The following DCAF7 variants were observed in gnomAD, a reference collection of about 807,000 sequenced individuals.
The protein encoded by DCAF7 is DDB1- and CUL4-associated factor 7.
Under a neutral mutation model 41.2 loss-of-function variants are expected in DCAF7, and 4 were observed. The ratio of observed to expected loss-of-function variants is 0.10; its 90% confidence interval spans 0.05 to 0.22. The LOEUF (loss-of-function observed/expected upper bound fraction) is 0.22. Among genes scored for constraint, DCAF7 ranks in the 10% least tolerant of loss-of-function variants. DCAF7 has a pLI of 1.00. For synonymous variants in DCAF7, 143 were observed against 164.2 expected (o/e 0.87, Z 0.99); for missense variants, 131 against 443.2 (o/e 0.30, Z 6.32).
intron 1 of DCAF7, among the ~76,000 whole-genome samples, chr17:63,559,399 G>GTGTATATATATATGTA (rs1555680842): frequency 2.3e-5 from 2 of 88,100 alleles, no homozygotes; most frequent in Non-Finnish European, 4.7e-5. Context: ...ATATATATAT[G>GTGTATATATATATGTA]TATATATATG....
Position 63,561,501 on chromosome 17 carries a change from T to C in DCAF7, c.138+10686T>C, listed in dbSNP as rs372459954. Among the ~76,000 whole-genome samples the C allele has an allele frequency of 9.2e-5, 14 of 152,238 alleles. No homozygotes were observed. The East Asian group carries it at 2.3e-3, about 25-fold the overall frequency. The stretch of plus-strand genomic sequence containing the variant: ...TTGGGAGGCTGAGGCTGGCAGATCA[T>C]TGGGCCCAGGAGTTTGAGATCAGCC... On this transcript the variant is annotated intron_variant, in intron 1 of 6. Coordinates refer to ENST00000614556, the MANE Select transcript of DCAF7 (RefSeq NM_005828.5).
intron 1 of DCAF7, among the ~76,000 whole-genome samples, chr17:63,570,237 T>C (rs1265618130): frequency 2.0e-5 from 3 of 152,020 alleles, no homozygotes; most frequent in African/African-American, 4.8e-5. Flanking sequence ...GCAGATTGCT[T>C]GAGCTCAGGA....
intron 1 of DCAF7, among the ~76,000 whole-genome samples, chr17:63,577,420 C>T (rs1230544802): frequency 6.6e-6 from 1 of 152,150 alleles, no homozygotes; most frequent in Admixed American, 6.5e-5. Context: ...CCCACTATTC[C>T]ATCTTCCAGT....
intron 6 of DCAF7, among the ~76,000 whole-genome samples, chr17:63,586,785 TG>T (rs1290876405): frequency 4.0e-5 from 6 of 151,714 alleles, no homozygotes; most frequent in African/African-American, 1.2e-4. Context: ...AAAAATATGC[TG>T]GTTGTCAATG....
chr17:63,589,202 G>A lies in DCAF7; in HGVS notation c.*30G>A, dbSNP rs746730114. ...GGTGGCGCTGTGCCCACGAGGCAGG[G>A]GCTTTTGTATTTCCTGCCTCTGCCC... On this transcript the variant is annotated 3_prime_UTR_variant, in exon 7 of 7. Transcript: ENST00000614556. 8 of 1,612,076 alleles carry A rather than the reference G, an allele frequency of 5.0e-6. No individual in the cohort carries two copies. The South Asian group carries it at 6.6e-5, about 13-fold the overall frequency.
At chr17:63,585,829 C>T (rs1406747226) in intron 6 of DCAF7, among the ~76,000 whole-genome samples, 2 of 152,140 alleles carry the variant, frequency 1.3e-5, no homozygotes, top group Non-Finnish European at 2.9e-5. Flanking sequence ...CCAAAGCTAG[C>T]ACCCCTTACG....
intron 1 of DCAF7, among the ~76,000 whole-genome samples, chr17:63,561,189 CG>C (rs1025300436): frequency 2.0e-5 from 3 of 152,102 alleles, no homozygotes; most frequent in African/African-American, 7.2e-5. Flanking sequence ...GACTTGAACC[CG>C]GGAGGCGGAG....
intron 1 of DCAF7, among the ~76,000 whole-genome samples, chr17:63,569,636 A>G (rs1219614507): frequency 2.0e-5 from 3 of 152,200 alleles, no homozygotes; most frequent in Non-Finnish European, 4.4e-5. Flanking sequence ...TCAGATATTT[A>G]GGAGCCAATA....
intron 3 of DCAF7, 142 bp downstream of exon 3, chr17:63,579,590 T>TGTGTGGGTGAGCTTTCC: frequency 1.4e-6 from 1 of 698,272 alleles, no homozygotes; most frequent in Non-Finnish European, 2.4e-6. Flanking sequence ...TTAATTCCTT[T>TGTGTGGGTGAGCTTTCC]GTGTGGGTGA....
In DCAF7 at chr17:63,589,518, G is replaced by A. The variant is rs550741508; in HGVS notation, c.*346G>A. 1.1e-4 allele frequency: 38 copies of A among 347,358 alleles called. 1 individual carries two copies. Among genetic ancestry groups the A allele is most frequent in the Middle Eastern group, 9.8e-4 (1 of 1,018 alleles). 21.5% of individuals were successfully genotyped at this position (347,358 alleles called of 1,614,324 possible). ...TGGCTGTGTCTATTCCTCTGCCCAG[G>A]TGTCTCTGTTTGCTGCCCAAGGCAG... On this transcript the variant is annotated 3_prime_UTR_variant, in exon 7 of 7. Coordinates refer to ENST00000614556, the MANE Select transcript of DCAF7 (RefSeq NM_005828.5).
chr17:63,585,508 G>T (rs746453281), intron 6 of DCAF7, among the ~76,000 whole-genome samples, 180 bp downstream of exon 6: 32 of 152,204 alleles, frequency 2.1e-4, no homozygotes, highest in Non-Finnish European at 4.4e-4. Context: ...AGACGATCTT[G>T]TACCCTCATG....
intron 6 of DCAF7, among the ~76,000 whole-genome samples, chr17:63,588,091 C>A (rs2033696067): frequency 6.6e-6 from 1 of 150,776 alleles, no homozygotes; most frequent in South Asian, 2.1e-4. Flanking sequence ...TGCCATCATT[C>A]TCATTTTAAT....
intron 1 of DCAF7, among the ~76,000 whole-genome samples, chr17:63,568,850 G>A (rs2033474103): frequency 6.6e-6 from 1 of 152,186 alleles, no homozygotes; most frequent in South Asian, 2.1e-4. Flanking sequence ...CACTCGCTAT[G>A]TATGCCAGCT....
intron 4 of DCAF7, among the ~76,000 whole-genome samples, chr17:63,583,035 G>A (rs778490061): frequency 6.6e-6 from 1 of 152,202 alleles, no homozygotes; most frequent in Non-Finnish European, 1.5e-5. Context: ...CTCAGGTCCA[G>A]GTTTCACAGA....
At chr17:63,573,745 A>C (rs945029638) in intron 1 of DCAF7, among the ~76,000 whole-genome samples, 1 of 152,040 alleles carries the variant, frequency 6.6e-6, no homozygotes, top group African/African-American at 2.4e-5. Flanking sequence ...AAAAAAAAAA[A>C]ATTATGCAAA....
intron 1 of DCAF7, among the ~76,000 whole-genome samples, chr17:63,555,105 T>G (rs187749624): frequency 6.6e-6 from 1 of 152,344 alleles, no homozygotes; most frequent in Non-Finnish European, 1.5e-5. Context: ...TGACAATATG[T>G]TTGGTCTTTA....
At chr17:63,562,306 C>A (rs1345069974) in intron 1 of DCAF7, among the ~76,000 whole-genome samples, 1 of 152,046 alleles carries the variant, frequency 6.6e-6, no homozygotes, top group Non-Finnish European at 1.5e-5. Context: ...GATCAAACGT[C>A]TAATTATAAA....
chr17:63,578,560 A>T lies in DCAF7; in HGVS notation c.229A>T (p.Ile77Phe). The T allele has an allele frequency of 1.2e-6, 2 of 1,614,030 alleles. No individual in the cohort carries two copies. The highest frequency in any genetic ancestry group is 2.2e-5 in the South Asian group (2 of 91,088). Residue 77 changes from isoleucine to phenylalanine, a missense_variant, in exon 2 of 7, where the codon ATC (isoleucine) becomes TTC (phenylalanine). Ile to Phe is a conservative substitution (Grantham distance 21). Transcript: ENST00000614556. ...HPYPTTKLMW[I>F]PDTKGVYPDL... ...ATACCCCACCACAAAGCTCATGTGG[A>T]TCCCTGACACAAAAGGCGTCTATCC...
intron 1 of DCAF7, among the ~76,000 whole-genome samples, chr17:63,553,232 G>A (rs927390407): frequency 6.6e-6 from 1 of 152,086 alleles, no homozygotes; most frequent in South Asian, 2.1e-4. Flanking sequence ...GGTGACAAGG[G>A]TAAACAGCAT....
Sources: allele counts gnomAD v4.1 joint callset (sites outside exome capture counted in the v4.1 genomes callset), GRCh38; gene constraint gnomAD v4.1.1; transcripts MANE v1.5; gene names NCBI Gene and HGNC (gene_info 2026-07-23, HGNC 2026-07-21).